LAMA2: variants seen among roughly 807,000 people sequenced by gnomAD.
LAMA2 encodes the protein laminin subunit alpha 2, also known as laminin subunit alpha-2.
A neutral mutation model predicts 364.8 loss-of-function variants in LAMA2; 269 were observed. That is an observed-to-expected ratio of 0.74 (90% CI 0.67 to 0.82). The LOEUF (loss-of-function observed/expected upper bound fraction) is 0.82. LAMA2 is among the 40% of genes least tolerant of loss of function. The probability of loss-of-function intolerance (pLI) is 0.00; values close to 1 mark genes in which losing one functional copy is unlikely to be tolerated. For synonymous variants in LAMA2, 1,379 were observed against 1,370.6 expected (o/e 1.01, Z -0.14); for missense variants, 3,807 against 3,873.2 (o/e 0.98, Z 0.45).
At chr6:129,500,447 C>G (rs1363365463) in intron 58 of LAMA2, among the ~76,000 whole-genome samples, 4 of 152,188 alleles carry the variant, frequency 2.6e-5, no homozygotes, top group African/African-American at 9.7e-5. Context: ...ATAACATTGG[C>G]TCATCTGAGA....
intron 12 of LAMA2, among the ~76,000 whole-genome samples, chr6:129,208,962 G>C (rs1229651490): frequency 6.6e-6 from 1 of 152,000 alleles, no homozygotes; most frequent in African/African-American, 2.4e-5. Context: ...TTTTCATCTG[G>C]GACTGGGTTT....
chr6:129,451,540 C>G (rs1782676088), intron 45 of LAMA2, among the ~76,000 whole-genome samples: 1 of 152,174 alleles, frequency 6.6e-6, no homozygotes, highest in Non-Finnish European at 1.5e-5. Flanking sequence ...CTGTTTCTCT[C>G]CAGAACACAG....
intron 1 of LAMA2, among the ~76,000 whole-genome samples, chr6:129,016,690 TAGGG>T (rs1330586610): frequency 6.6e-6 from 1 of 151,892 alleles, no homozygotes; most frequent in Non-Finnish European, 1.5e-5. Flanking sequence ...AGGGTAGAGA[TAGGG>T]AGGATTCTTA....
chr6:129,143,434 T>C (rs1310231996), intron 4 of LAMA2, among the ~76,000 whole-genome samples: 2 of 152,048 alleles, frequency 1.3e-5, no homozygotes, highest in Non-Finnish European at 2.9e-5. Context: ...ATTTTAAGGC[T>C]ATATAATGTG....
chr6:129,096,164 C>G (rs1192342747), intron 3 of LAMA2, among the ~76,000 whole-genome samples: 1 of 152,034 alleles, frequency 6.6e-6, no homozygotes, highest in African/African-American at 2.4e-5. Context: ...ATGAGTTGTT[C>G]AATATGAACT....
chr6:129,192,981 A>G, intron 12 of LAMA2, 128 bp downstream of exon 12: 1 of 998,350 alleles, frequency 1.0e-6, no homozygotes, highest in Non-Finnish European at 1.5e-6. Context: ...AGAACCAGCT[A>G]AATCACATTG....
intron 32 of LAMA2, among the ~76,000 whole-genome samples, chr6:129,360,064 G>T (rs1417936540): frequency 1.3e-5 from 2 of 152,086 alleles, no homozygotes; most frequent in African/African-American, 4.8e-5. Context: ...TATAATCATG[G>T]TCTTGAAATA....
At chr6:129,288,809 G>T (rs1039193771) in intron 19 of LAMA2, among the ~76,000 whole-genome samples, 1 of 152,178 alleles carries the variant, frequency 6.6e-6, no homozygotes, top group African/African-American at 2.4e-5. Flanking sequence ...CAAATGGAAA[G>T]TGAATCCAAT....
At chr6:129,369,860 T>TA in intron 33 of LAMA2, 32 bp from the exon 34 acceptor site, 1 of 1,584,630 alleles carries the variant, frequency 6.3e-7, no homozygotes, top group East Asian at 2.2e-5. Flanking sequence ...GGCCATTTAC[T>TA]AAAAATGTTT....
Position 129,516,409 on chromosome 6 carries a change from AATATATTTTACCT to A in LAMA2, c.*69_*81del. 1 of 1,485,762 alleles carries A rather than the reference AATATATTTTACCT, an allele frequency of 6.7e-7. No homozygotes were observed. Among genetic ancestry groups the A allele is most frequent in the East Asian group, 2.4e-5 (1 of 41,610 alleles). 92.0% of individuals were successfully genotyped at this position (1,485,762 alleles called of 1,614,324 possible). On this transcript the variant is annotated 3_prime_UTR_variant, in exon 65 of 65. Transcript: ENST00000421865. ...ACAAGTATATCAAGTAAAACAAACA[AATATATTTTACCT>A]ATATATGTTAATTAAACTAATTTGT...
intron 18 of LAMA2, among the ~76,000 whole-genome samples, chr6:129,286,570 AT>A (rs1789146200): frequency 9.4e-4 from 1 of 1,064 alleles, no homozygotes; most frequent in Admixed American, 0.038. Flanking sequence ...TTTATATTAT[AT>A]TATATTTATA....
intron 3 of LAMA2, among the ~76,000 whole-genome samples, chr6:129,064,363 CAAA>C (rs61014931): frequency 1.4e-4 from 16 of 117,488 alleles, no homozygotes; most frequent in Non-Finnish European, 1.5e-4. Context: ...TTCAAGAAAG[CAAA>C]AAAAAAAAAA....
chr6:129,454,196 CT>C lies in LAMA2; in HGVS notation c.6617del (p.Phe2206SerfsTer12), dbSNP rs867012156. Reference protein sequence around the residue: ...AIEMRKGKVSFLWDVGSGVGR... With the variant: ...AIEMRKGKVSXLWDVGSGVGR... ...TAGAAATGCGTAAAGGCAAAGTCAG[CT>C]TCCTCTGGGATGTTGGATCTGGAGT... On this transcript the variant is annotated frameshift_variant, in exon 47 of 65. Transcript: ENST00000421865. LOFTEE classifies it high-confidence loss of function. 5.6e-6 allele frequency: 9 copies of C among 1,612,474 alleles called. No individual in the cohort carries two copies. The highest frequency in any genetic ancestry group is 1.3e-5 in the African/African-American group (1 of 74,816).
chr6:129,492,093 CATT>C lies in LAMA2; in HGVS notation c.8075+18_8075+20del, dbSNP rs1213065087. ...TTAACTCTGTGTAAGTGGATCTCCT[CATT>C]ACTACTACTAATTTTTTATTTTTAT... On this transcript the variant is annotated intron_variant, in intron 57 of 64. Transcript: ENST00000421865. 14 of 1,602,950 alleles carry C rather than the reference CATT, an allele frequency of 8.7e-6. No individual in the cohort carries two copies. Among genetic ancestry groups the C allele is most frequent in the African/African-American group, 1.3e-5 (1 of 74,678 alleles).
chr6:129,324,057 A>G (rs987499339), intron 28 of LAMA2, among the ~76,000 whole-genome samples: 1 of 152,248 alleles, frequency 6.6e-6, no homozygotes, highest in African/African-American at 2.4e-5. Flanking sequence ...TCTATCCTTT[A>G]TCACTTCTGT....
chr6:129,381,858 C>A (rs1447888023), intron 34 of LAMA2, among the ~76,000 whole-genome samples: 1 of 152,110 alleles, frequency 6.6e-6, no homozygotes, highest in Non-Finnish European at 1.5e-5. Context: ...GTGATGTTAA[C>A]ACTTGCAGGA....
chr6:129,168,693 T>A (rs1192979742), intron 9 of LAMA2, among the ~76,000 whole-genome samples: 4 of 144,270 alleles, frequency 2.8e-5, no homozygotes, highest in African/African-American at 1.0e-4. Context: ...TTTTTCCAAT[T>A]CTGTGAAGAA....
intron 12 of LAMA2, among the ~76,000 whole-genome samples, chr6:129,228,418 C>T (rs376795474): frequency 2.1e-4 from 32 of 152,076 alleles, no homozygotes; most frequent in African/African-American, 7.2e-4. Flanking sequence ...TATTCTGTGT[C>T]GCTCATGCTG....
chr6:129,466,440 G>A (rs1417280843), intron 51 of LAMA2, among the ~76,000 whole-genome samples: 1 of 151,908 alleles, frequency 6.6e-6, no homozygotes, highest in Non-Finnish European at 1.5e-5. Context: ...TCATCAGAGA[G>A]AATAACACAT....
Sources: allele counts gnomAD v4.1 joint callset (sites outside exome capture counted in the v4.1 genomes callset), GRCh38; gene constraint gnomAD v4.1.1; transcripts MANE v1.5; gene names NCBI Gene and HGNC (gene_info 2026-07-23, HGNC 2026-07-21).